Variants in RBFOX1 observed in about 807,000 individuals in gnomAD.
The protein encoded by RBFOX1 is RNA binding fox-1 homolog 1.
Under a neutral mutation model 57.7 loss-of-function variants are expected in RBFOX1, and 8 were observed. The ratio of observed to expected loss-of-function variants is 0.14; its 90% CI spans 0.08 to 0.25. The LOEUF (loss-of-function observed/expected upper bound fraction) is 0.25. RBFOX1 is among the 10% of genes least tolerant of loss of function. The pLI, the probability that RBFOX1 is intolerant of heterozygous loss-of-function variation, is 1.00. For missense variants in RBFOX1, 611 were observed against 548.5 expected, an observed-to-expected ratio of 1.11 and a Z score of -1.14; for synonymous variants, 326 against 222.4, an observed-to-expected ratio of 1.47 and a Z score of -4.15.
chr16:6,566,009 G>C (rs371112828), intron 2 of RBFOX1, among the ~76,000 whole-genome samples: 1 of 152,152 alleles, frequency 6.6e-6, no homozygotes, highest in Non-Finnish European at 1.5e-5. Flanking sequence ...TCTTCATGCA[G>C]GGTCACAGGT....
rs139926087 is a variant in RBFOX1 at position 5,816,226 on chromosome 16, A to C, written c.319-51077A>C. Among the ~76,000 whole-genome samples the C allele has an allele frequency of 1.1e-3, 174 of 152,252 alleles. 1 individual carries two copies. The highest frequency in any genetic ancestry group is 4.0e-3 in the African/African-American group (166 of 41,530). On this transcript the variant is annotated intron_variant, in intron 3 of 19. Transcript: ENST00000641259. ...AGGCTTGGAGGCACTGGGATTTCAG[A>C]AGCAGGCGGAATACCTTCTCCCCTT...
At chr16:5,430,610 A>G (rs540422051) in intron 1 of RBFOX1, among the ~76,000 whole-genome samples, 5 of 152,300 alleles carry the variant, frequency 3.3e-5, no homozygotes, top group South Asian at 2.1e-4. Context: ...AGTGCAGAGT[A>G]TCAGTTAGGT....
intron 4 of RBFOX1, among the ~76,000 whole-genome samples, chr16:7,390,808 G>C (rs1189734048): frequency 2.7e-4 from 41 of 152,124 alleles, no homozygotes; most frequent in Non-Finnish European, 2.9e-5. Context: ...ATATGAATGT[G>C]CTTAAGGGAG....
At chr16:6,958,866 A>G (rs2082375697) in intron 3 of RBFOX1, among the ~76,000 whole-genome samples, 1 of 152,110 alleles carries the variant, frequency 6.6e-6, no homozygotes, top group South Asian at 2.1e-4. Flanking sequence ...ATCTTTTATT[A>G]CCTTTTTTTG....
intron 4 of RBFOX1, among the ~76,000 whole-genome samples, chr16:7,347,885 G>A (rs908067986): frequency 2.6e-5 from 4 of 152,160 alleles, no homozygotes; most frequent in Admixed American, 1.3e-4. Context: ...GCGTCTTGCA[G>A]GGTGTATTGA....
intron 4 of RBFOX1, among the ~76,000 whole-genome samples, chr16:7,209,566 A>G (rs2090702547): frequency 1.3e-5 from 2 of 152,148 alleles, no homozygotes; most frequent in Non-Finnish European, 2.9e-5. Context: ...ACCTCCTCAA[A>G]GAGGCCAACC....
At chr16:6,350,747 G>A (rs1174008757) in intron 2 of RBFOX1, among the ~76,000 whole-genome samples, 1 of 152,140 alleles carries the variant, frequency 6.6e-6, no homozygotes, top group South Asian at 2.1e-4. Flanking sequence ...AACACTAGGA[G>A]GTAGGTGGCA....
chr16:6,988,743 G>T (rs13333174), intron 3 of RBFOX1, among the ~76,000 whole-genome samples: 13,286 of 40,876 alleles, frequency 0.33, 1,273 homozygotes, highest in African/African-American at 0.41. Context: ...TTTTTTTTTT[G>T]TTTGTTTGTT....
chr16:6,399,023 C>A (rs1479047202), intron 2 of RBFOX1, among the ~76,000 whole-genome samples: 1 of 152,212 alleles, frequency 6.6e-6, no homozygotes, highest in Non-Finnish European at 1.5e-5. Flanking sequence ...GGCGAAGGTT[C>A]CCAAACCTCA....
chr16:7,490,088 G>T (rs184495375), intron 4 of RBFOX1, among the ~76,000 whole-genome samples: 6 of 152,248 alleles, frequency 3.9e-5, no homozygotes, highest in African/African-American at 1.4e-4. Flanking sequence ...GCTACATTTA[G>T]TGAACATCTT....
chr16:6,132,017 A>G (rs1174961686), intron 1 of RBFOX1, among the ~76,000 whole-genome samples: 3 of 152,362 alleles, frequency 2.0e-5, no homozygotes, highest in East Asian at 1.9e-4. Context: ...TTTTAGGAGC[A>G]TATATTGTTT....
intron 1 of RBFOX1, among the ~76,000 whole-genome samples, chr16:5,450,811 G>T (rs1247379301): frequency 2.0e-5 from 3 of 152,178 alleles, no homozygotes; most frequent in African/African-American, 4.8e-5. Flanking sequence ...CAGGGATTCA[G>T]AGCTAGAAGT....
At chr16:6,827,195 G>A (rs564589933) in intron 3 of RBFOX1, among the ~76,000 whole-genome samples, 1 of 115,840 alleles carries the variant, frequency 8.6e-6, no homozygotes, top group African/African-American at 3.8e-5. Flanking sequence ...CATTGTATTA[G>A]AGGTGTGTTT....
intron 2 of RBFOX1, among the ~76,000 whole-genome samples, chr16:5,598,233 AAAAT>A (rs1195303292): frequency 6.6e-6 from 1 of 151,724 alleles, no homozygotes; most frequent in Non-Finnish European, 1.5e-5. Flanking sequence ...CAAAAAAAAA[AAAAT>A]AAATAAAAAA....
chr16:6,395,595 A>G lies in RBFOX1; in HGVS notation c.-64+78538A>G, dbSNP rs995772285. ...AAAACATATAATTATATACAGAGTT[A>G]TTACCTTACTACAGATTCATAACAT... On this transcript the variant is annotated intron_variant, in intron 2 of 15. Transcript: ENST00000550418. Among the ~76,000 whole-genome samples, 9 of 152,020 alleles carry G rather than the reference A, an allele frequency of 5.9e-5. No homozygotes were observed. In the South Asian group the frequency reaches 1.9e-3, roughly 32 times the overall value.
intron 1 of RBFOX1, among the ~76,000 whole-genome samples, chr16:6,066,955 A>G (rs952641790): frequency 2.0e-5 from 3 of 151,960 alleles, no homozygotes; most frequent in Non-Finnish European, 4.4e-5. Flanking sequence ...TTGGTCTCCC[A>G]GAGTAGGGGG....
chr16:5,595,003 A>G (rs1292424056), intron 2 of RBFOX1, among the ~76,000 whole-genome samples: 2 of 144,418 alleles, frequency 1.4e-5, no homozygotes, highest in Non-Finnish European at 3.0e-5. Flanking sequence ...AAAATTAGCC[A>G]GGTATGGTGG....
chr16:5,996,226 C>G (rs1410593721), intron 4 of RBFOX1, among the ~76,000 whole-genome samples: 1 of 152,134 alleles, frequency 6.6e-6, no homozygotes, highest in Admixed American at 6.5e-5. Flanking sequence ...TCATTTTCCA[C>G]GAGCTCTTCT....
intron 4 of RBFOX1, among the ~76,000 whole-genome samples, chr16:7,517,677 T>A (rs1275064905): frequency 3.9e-5 from 6 of 152,124 alleles, no homozygotes; most frequent in Non-Finnish European, 8.8e-5. Flanking sequence ...TTCAAATGCT[T>A]ACATAAATTG....
Sources: allele counts gnomAD v4.1 joint callset (sites outside exome capture counted in the v4.1 genomes callset), GRCh38; gene constraint gnomAD v4.1.1; transcripts MANE v1.5; gene names NCBI Gene and HGNC (gene_info 2026-07-23, HGNC 2026-07-21).